The following KIAA1958 variants were observed in gnomAD, a reference collection of about 807,000 sequenced individuals.
The protein encoded by KIAA1958 is uncharacterized protein KIAA1958.
In KIAA1958, 14 loss-of-function variants were observed where a neutral mutation model predicts 47.2. The ratio of observed to expected loss-of-function variants is 0.30; its 90% CI spans 0.20 to 0.46. KIAA1958 has a LOEUF of 0.46. Ranked by LOEUF, KIAA1958 falls within the 20% of genes least tolerant of loss-of-function variation. The pLI is 1.00. For synonymous variants in KIAA1958, 354 were observed against 353.3 expected, an observed-to-expected ratio of 1.00 and a Z score of -0.02; for missense variants, 803 against 909.2, an observed-to-expected ratio of 0.88 and a Z score of 1.50.
At chr9:112,550,179 CT>C (rs1835117759) in intron 1 of KIAA1958, among the ~76,000 whole-genome samples, 1 of 150,886 alleles carries the variant, frequency 6.6e-6, no homozygotes, top group Admixed American at 6.6e-5. Context: ...TGTTTGGAGC[CT>C]TTGATGGAGA....
intron 1 of KIAA1958, among the ~76,000 whole-genome samples, chr9:112,501,173 A>T (rs1330923752): frequency 1.3e-5 from 2 of 151,882 alleles, no homozygotes; most frequent in Non-Finnish European, 2.9e-5. Context: ...AAATAATGAG[A>T]TTAAAAAGGA....
At chr9:112,579,133 C>T (rs1380407781) in intron 2 of KIAA1958, among the ~76,000 whole-genome samples, 2 of 151,726 alleles carry the variant, frequency 1.3e-5, no homozygotes, top group African/African-American at 4.8e-5. Flanking sequence ...AATACATTTC[C>T]CAAGTAGCTC....
chr9:112,578,369 C>T (rs1359684891), intron 2 of KIAA1958, among the ~76,000 whole-genome samples: 4 of 152,078 alleles, frequency 2.6e-5, no homozygotes, highest in Admixed American at 2.0e-4. Flanking sequence ...ATATGTAAAG[C>T]GTACTTGGGA....
At chr9:112,605,774 T>C (rs1836223063) in intron 2 of KIAA1958, among the ~76,000 whole-genome samples, 1 of 152,194 alleles carries the variant, frequency 6.6e-6, no homozygotes, top group Non-Finnish European at 1.5e-5. Context: ...CCTCTACTGC[T>C]CCTCCTTCTG....
intron 1 of KIAA1958, among the ~76,000 whole-genome samples, chr9:112,515,994 GAA>G (rs2132788258): frequency 6.7e-6 from 1 of 150,296 alleles, no homozygotes; most frequent in East Asian, 2.0e-4. Context: ...GAAGATAAAG[GAA>G]AAGAATTCAG....
intron 1 of KIAA1958, among the ~76,000 whole-genome samples, chr9:112,511,658 C>T (rs1261217120): frequency 6.6e-6 from 1 of 151,788 alleles, no homozygotes; most frequent in Non-Finnish European, 1.5e-5. Flanking sequence ...GCAAATGACA[C>T]CAAAGAAAGT....
At chr9:112,615,641 T>A (rs573869120) in intron 2 of KIAA1958, among the ~76,000 whole-genome samples, 1 of 152,206 alleles carries the variant, frequency 6.6e-6, no homozygotes, top group Non-Finnish European at 1.5e-5. Flanking sequence ...CCCCTTCATA[T>A]GTCCTAAATT....
At chr9:112,489,382 A>G (rs915866244) in intron 1 of KIAA1958, among the ~76,000 whole-genome samples, 3 of 152,098 alleles carry the variant, frequency 2.0e-5, no homozygotes, top group African/African-American at 7.2e-5. Flanking sequence ...TGTTTTGGCA[A>G]AGTTGTAGTT....
intron 2 of KIAA1958, among the ~76,000 whole-genome samples, chr9:112,603,470 C>G (rs1346132235): frequency 6.6e-6 from 1 of 152,104 alleles, no homozygotes; most frequent in Non-Finnish European, 1.5e-5. Flanking sequence ...TCCTACTGCC[C>G]TTCCTAAACA....
chr9:112,508,273 A>AT (rs1303511111), intron 1 of KIAA1958, among the ~76,000 whole-genome samples: 2 of 152,240 alleles, frequency 1.3e-5, no homozygotes, highest in Non-Finnish European at 2.9e-5. Flanking sequence ...GCTTTTTCAG[A>AT]TAAATACACT....
chr9:112,599,382 GT>G (rs55813822), intron 2 of KIAA1958, among the ~76,000 whole-genome samples: 124,642 of 152,154 alleles, frequency 0.82, 51,396 homozygotes, highest in African/African-American at 0.88. Flanking sequence ...AGATTTAAGG[GT>G]TTTGTAAACT....
chr9:112,616,557 T>C (rs1332433968), intron 2 of KIAA1958, among the ~76,000 whole-genome samples: 1 of 152,250 alleles, frequency 6.6e-6, no homozygotes, highest in Non-Finnish European at 1.5e-5. Context: ...ACTTTTACTT[T>C]ATACTGTAGA....
rs566963894 is a variant in KIAA1958, at chr9:112,635,374, C to T, written c.1172-10276C>T. Among the ~76,000 whole-genome samples, 14 of 151,996 alleles carry T rather than the reference C, an allele frequency of 9.2e-5. No homozygotes were observed. The South Asian group carries it at 2.9e-3, about 32-fold the overall frequency. On this transcript the variant is annotated intron_variant, in intron 2 of 3. Coordinates refer to ENST00000337530, the MANE Select transcript of KIAA1958 (RefSeq NM_133465.4). ...TAAGCCATCCTCTCACCTCAGCCTC[C>T]AAGTAGCTGAGACCAGAGATGCATG... is the stretch of plus-strand genomic sequence containing the variant.
At position 112,508,757 on chromosome 9, in the gene KIAA1958, C is replaced by T. The variant is rs1052169370; in HGVS notation, c.-25+21639C>T. Reference sequence around the variant, plus strand: ...AACATCTGAGGATTATTTTTGAAATCGGTTTTCTGTTGCCTGGTTTGTACC... The same window carrying T: ...AACATCTGAGGATTATTTTTGAAATTGGTTTTCTGTTGCCTGGTTTGTACC... On this transcript the variant is annotated intron_variant, in intron 1 of 3. Transcript: ENST00000337530. Among the ~76,000 whole-genome samples the T allele has an allele frequency of 3.3e-5, 5 of 152,188 alleles. No individual in the cohort carries two copies. The South Asian group carries it at 1.0e-3, about 32-fold the overall frequency.
At chr9:112,585,282 A>G (rs1835803553) in intron 2 of KIAA1958, among the ~76,000 whole-genome samples, 1 of 152,224 alleles carries the variant, frequency 6.6e-6, no homozygotes, top group Non-Finnish European at 1.5e-5. Context: ...TTCAACTTCA[A>G]GTGTATAAGG....
chr9:112,585,209 G>C (rs540048722), intron 2 of KIAA1958, among the ~76,000 whole-genome samples: 1 of 152,250 alleles, frequency 6.6e-6, no homozygotes, highest in Admixed American at 6.5e-5. Flanking sequence ...ATAAAAAGAA[G>C]AATATTAAAT....
chr9:112,513,666 C>G (rs1342395035), intron 1 of KIAA1958, among the ~76,000 whole-genome samples: 41 of 99,490 alleles, frequency 4.1e-4, no homozygotes, highest in African/African-American at 1.6e-3. Context: ...GCGGAGCTGT[C>G]TCAGTCTTTG....
At chr9:112,653,220 G>A (rs2173194) in intron 3 of KIAA1958, among the ~76,000 whole-genome samples, 7,538 of 152,202 alleles carry the variant, frequency 0.05, 345 homozygotes, top group South Asian at 0.22. Flanking sequence ...GTAGAAAAAA[G>A]CATTCTTGGC....
At chr9:112,544,677 T>C (rs185640017) in intron 1 of KIAA1958, among the ~76,000 whole-genome samples, 192 of 152,334 alleles carry the variant, frequency 1.3e-3, no homozygotes, top group Non-Finnish European at 2.5e-3. Flanking sequence ...AAATGACTAA[T>C]TTTTCTTAAG....
Sources: allele counts gnomAD v4.1 joint callset (sites outside exome capture counted in the v4.1 genomes callset), GRCh38; gene constraint gnomAD v4.1.1; transcripts MANE v1.5; gene names NCBI Gene and HGNC (gene_info 2026-07-23, HGNC 2026-07-21).